The following FARS2 variants were observed in gnomAD, a reference collection of about 807,000 sequenced individuals.
FARS2 encodes the protein phenylalanyl-tRNA synthetase 2, mitochondrial.
In FARS2, 40 loss-of-function variants were observed where a neutral mutation model predicts 46.4. That is an observed-to-expected ratio of 0.86 (90% CI 0.67 to 1.12). The LOEUF (loss-of-function observed/expected upper bound fraction) is 1.12, where lower values mean the gene tolerates loss of function less well. FARS2 is among the 50% of genes most tolerant of loss of function. The probability of loss-of-function intolerance (pLI) is 0.00; values close to 1 mark genes in which losing one functional copy is unlikely to be tolerated. For missense variants in FARS2, 513 were observed against 567.9 expected (o/e 0.90, Z 0.98); for synonymous variants, 234 against 214.9 (o/e 1.09, Z -0.78).
At chr6:5,305,761 G>A (rs1407074868) in intron 1 of FARS2, among the ~76,000 whole-genome samples, 1 of 152,094 alleles carries the variant, frequency 6.6e-6, no homozygotes, top group South Asian at 2.1e-4. Context: ...TCCCACTATA[G>A]CCCCTACAAG....
chr6:5,476,367 G>T (rs1766123656), intron 4 of FARS2, among the ~76,000 whole-genome samples: 1 of 152,124 alleles, frequency 6.6e-6, no homozygotes, highest in Non-Finnish European at 1.5e-5. Flanking sequence ...CATGGCATTT[G>T]TCAGTTGGTG....
chr6:5,283,655 A>C (rs1231959194), intron 1 of FARS2, among the ~76,000 whole-genome samples: 1 of 152,082 alleles, frequency 6.6e-6, no homozygotes, highest in East Asian at 1.9e-4. Flanking sequence ...ACATTTTCTT[A>C]TATATGCATG....
chr6:5,508,214 T>G (rs570793601), intron 4 of FARS2, among the ~76,000 whole-genome samples: 1 of 152,330 alleles, frequency 6.6e-6, no homozygotes, highest in South Asian at 2.1e-4. Flanking sequence ...TTAAGTGCAG[T>G]GTGCACCAAG....
intron 2 of FARS2, among the ~76,000 whole-genome samples, chr6:5,386,576 G>C (rs1352866615): frequency 6.6e-6 from 1 of 152,136 alleles, no homozygotes; most frequent in East Asian, 1.9e-4. Flanking sequence ...ACCAGTGCAG[G>C]CTAAGCCAAG....
chr6:5,540,302 G>A (rs1770542232), intron 4 of FARS2, among the ~76,000 whole-genome samples: 1 of 152,076 alleles, frequency 6.6e-6, no homozygotes, highest in South Asian at 2.1e-4. Context: ...CTTTTAGATG[G>A]TATTTATTCC....
At chr6:5,693,243 A>G (rs1036824942) in intron 6 of FARS2, among the ~76,000 whole-genome samples, 1 of 152,212 alleles carries the variant, frequency 6.6e-6, no homozygotes, top group Non-Finnish European at 1.5e-5. Context: ...AACAGATGAA[A>G]GAGAAAAATG....
intron 4 of FARS2, among the ~76,000 whole-genome samples, chr6:5,438,295 G>A (rs1763653046): frequency 9.0e-6 from 1 of 110,610 alleles, no homozygotes; most frequent in Admixed American, 1.4e-4. Context: ...GATATGTCTA[G>A]GTATGGTTTT....
chr6:5,528,785 A>G (rs1425021242), intron 4 of FARS2, among the ~76,000 whole-genome samples: 1 of 152,184 alleles, frequency 6.6e-6, no homozygotes, highest in Non-Finnish European at 1.5e-5. Flanking sequence ...TATAAAAGCA[A>G]CAGGTATGTA....
At chr6:5,466,252 C>G (rs1765508050) in intron 4 of FARS2, among the ~76,000 whole-genome samples, 1 of 152,226 alleles carries the variant, frequency 6.6e-6, no homozygotes, top group Non-Finnish European at 1.5e-5. Context: ...AAAGTCTTCA[C>G]AGATCCTGCC....
At chr6:5,668,420 T>C (rs376489669) in intron 6 of FARS2, among the ~76,000 whole-genome samples, 2 of 152,350 alleles carry the variant, frequency 1.3e-5, no homozygotes, top group African/African-American at 4.8e-5. Flanking sequence ...TATCTGCGTG[T>C]GTCCATGTGA....
intron 4 of FARS2, among the ~76,000 whole-genome samples, chr6:5,467,313 G>A (rs1339621677): frequency 6.6e-6 from 1 of 152,148 alleles, no homozygotes; most frequent in Non-Finnish European, 1.5e-5. Context: ...GTTGGAGAAT[G>A]ACTTTCAAAG....
At chr6:5,520,178 C>T (rs1769045257) in intron 4 of FARS2, among the ~76,000 whole-genome samples, 2 of 152,114 alleles carry the variant, frequency 1.3e-5, no homozygotes, top group Admixed American at 1.3e-4. Context: ...TGAGTTTGAA[C>T]TGAATTTGGG....
intron 6 of FARS2, among the ~76,000 whole-genome samples, chr6:5,736,097 C>T (rs971881283): frequency 4.6e-5 from 7 of 151,630 alleles, no homozygotes; most frequent in African/African-American, 1.7e-4. Context: ...GAAGGCTCAA[C>T]TGGGGCTGGA....
intron 3 of FARS2, among the ~76,000 whole-genome samples, chr6:5,422,967 A>G (rs1343299673): frequency 6.6e-6 from 1 of 152,096 alleles, no homozygotes; most frequent in Non-Finnish European, 1.5e-5. Context: ...CTTATTTTTG[A>G]CAAAATTGAA....
At chr6:5,278,412 A>G (rs1287984779) in intron 1 of FARS2, among the ~76,000 whole-genome samples, 2 of 152,144 alleles carry the variant, frequency 1.3e-5, no homozygotes, top group South Asian at 2.1e-4. Flanking sequence ...TTTAACTTGC[A>G]TGGTGTTTTA....
chr6:5,290,099 C>T (rs1405096737), intron 1 of FARS2, among the ~76,000 whole-genome samples: 1 of 152,050 alleles, frequency 6.6e-6, no homozygotes, highest in African/African-American at 2.4e-5. Flanking sequence ...AAATAGCTTG[C>T]TGTGTATTAC....
chr6:5,539,844 C>T (rs907897338), intron 4 of FARS2, among the ~76,000 whole-genome samples: 4 of 152,260 alleles, frequency 2.6e-5, no homozygotes, highest in East Asian at 3.9e-4. Flanking sequence ...CCTCGTCACA[C>T]AGGACAGCCC....
intron 1 of FARS2, among the ~76,000 whole-genome samples, chr6:5,339,990 C>T (rs1243965432): frequency 1.3e-5 from 2 of 152,232 alleles, no homozygotes; most frequent in Non-Finnish European, 1.5e-5. Context: ...TGAAGTTTCT[C>T]TTATGTGGCT....
intron 6 of FARS2, among the ~76,000 whole-genome samples, chr6:5,668,326 T>C (rs1778248928): frequency 6.6e-6 from 1 of 152,202 alleles, no homozygotes; most frequent in Admixed American, 6.5e-5. Context: ...TCTTGTACTG[T>C]TGGACAGCAG....
Sources: allele counts gnomAD v4.1 joint callset (sites outside exome capture counted in the v4.1 genomes callset), GRCh38; gene constraint gnomAD v4.1.1; transcripts MANE v1.5; gene names NCBI Gene and HGNC (gene_info 2026-07-23, HGNC 2026-07-21).